EPHB4: variants seen among roughly 807,000 people sequenced by gnomAD.
EPHB4 encodes EPH receptor B4.
Under a neutral mutation model 110.6 loss-of-function variants are expected in EPHB4, and 50 were observed. That is an observed-to-expected ratio of 0.45 (90% CI 0.36 to 0.57). The LOEUF (loss-of-function observed/expected upper bound fraction) is 0.57. EPHB4 is among the 20% of genes least tolerant of loss of function. EPHB4 has a pLI of 0.00. For missense variants in EPHB4, 1,128 were observed against 1,382.1 expected (o/e 0.82, Z 2.91); for synonymous variants, 592 against 578.4 (o/e 1.02, Z -0.34).
intron 12 of EPHB4, among the ~76,000 whole-genome samples, chr7:100,810,912 T>C (rs1039918374): frequency 3.3e-5 from 5 of 152,098 alleles, no homozygotes; most frequent in Admixed American, 6.6e-5. Flanking sequence ...CTCTGTTCAA[T>C]GCAATGTTAT....
rs746872148 is a variant in EPHB4 at position 100,823,627 on chromosome 7, T to TGG, written c.411+15_411+16dup. 6.2e-6 allele frequency: 10 copies of TGG among 1,608,210 alleles called. No individual in the cohort carries two copies. In the African/African-American group the frequency reaches 1.3e-4, roughly 21 times the overall value. On this transcript the variant is annotated intron_variant, in intron 3 of 16. Coordinates refer to ENST00000358173, the MANE Select transcript of EPHB4 (RefSeq NM_004444.5). The stretch of plus-strand genomic sequence containing the variant: ...TCCCACCTTGGCTGTGGCTGAGCCC[T>TGG]GGGGGCACCCAGGTACCTTGATGTA...
intron 14 of EPHB4, chr7:100,806,096 T>G: frequency 3.9e-6 from 1 of 255,110 alleles, no homozygotes; most frequent in Admixed American, 5.1e-5. Flanking sequence ...GTAGCTGGGA[T>G]TACAGGCACC....
chr7:100,805,034 C>T (rs1323946577), intron 16 of EPHB4, 132 bp downstream of exon 16: 11 of 1,221,796 alleles, frequency 9.0e-6, no homozygotes, highest in Non-Finnish European at 1.2e-5. Context: ...CCCTTCTAGG[C>T]ATGGCATGAG....
chr7:100,824,038 T>G (rs1813311034), intron 2 of EPHB4, 107 bp from the exon 3 acceptor site: 7 of 1,513,914 alleles, frequency 4.6e-6, no homozygotes, highest in Non-Finnish European at 5.3e-6. Context: ...GGGCTGCTGG[T>G]ACTGCGAGGA....
At position 100,822,175 on chromosome 7, in the gene EPHB4, A is replaced by G. The variant is rs549668528; in HGVS notation, c.808+96T>C. On this transcript the variant is annotated intron_variant, in intron 4 of 16. Transcript: ENST00000358173. This position sits in a 1 kb window ranked among gnomAD's most constrained non-coding sequence, Gnocchi z 4.7. ...GAGCAAGCCTCCATTTCAACATCTA[A>G]CTATACAAAATGGAAACTTAAGAAG... The G allele has an allele frequency of 2.4e-5, 34 of 1,435,038 alleles. 1 individual carries two copies. In the South Asian group the frequency reaches 4.0e-4, roughly 17 times the overall value. The allele number at this position is 1,435,038 out of a possible 1,614,324, so 88.9% of individuals were successfully genotyped here. A position where few individuals can be genotyped will look rare whatever the true frequency, so the allele number is the denominator to read the frequency against.
In EPHB4 at chr7:100,803,493, C is replaced by A; in HGVS notation, c.2932G>T (p.Gly978Cys). The A allele has an allele frequency of 1.3e-6, 2 of 1,583,546 alleles. No homozygotes were observed. Among genetic ancestry groups the A allele is most frequent in the Non-Finnish European group, 1.7e-6 (2 of 1,163,552 alleles). The change falls in exon 17 of 17, where the codon GGT becomes TGT. Residue 978 changes from glycine (G) to cysteine (C), a missense_variant. Physicochemically the swap from Gly to Cys is radical, Grantham distance 159. This residue lies in a region of EPHB4 where 209 missense variants were observed against 240.5 expected (regional missense o/e 0.87). Coordinates refer to ENST00000358173, the MANE Select transcript of EPHB4 (RefSeq NM_004444.5). ...MKSQAKPGTP[G>C]GTGGPAPQY ...TGCGGGGCCGGTCCTCCTGTCCCACCCGGGGTTCCCGGCTTGGCCTGGGAC... is the reference window on the plus strand; with the variant it reads ...TGCGGGGCCGGTCCTCCTGTCCCACACGGGGTTCCCGGCTTGGCCTGGGAC...
In EPHB4 at chr7:100,806,517, T is replaced by C; in HGVS notation, c.2387A>G (p.Lys796Arg). The change falls in exon 14 of 17, where the codon AAG (lysine) becomes AGG (arginine). Residue 796 changes from lysine to arginine, a missense_variant. Coordinates refer to ENST00000358173, the MANE Select transcript of EPHB4 (RefSeq NM_004444.5). ...CCAGGCATCACTGGCGGAAGTGAACTTCCGGAAGGCAATGGCCTCCGGGGC... is the reference window on the plus strand; with the variant it reads ...CCAGGCATCACTGGCGGAAGTGAACCTCCGGAAGGCAATGGCCTCCGGGGC... The part of the protein sequence containing the change: ...WTAPEAIAFR[K>R]FTSASDAWSY... 6.2e-7 allele frequency: 1 copy of C among 1,614,072 alleles called. No individual in the cohort carries two copies. The highest frequency in any genetic ancestry group is 8.5e-7 in the Non-Finnish European group (1 of 1,180,006).
At position 100,823,948 on chromosome 7, in the gene EPHB4, G is replaced by A. The variant is rs566006673; in HGVS notation, c.124-17C>T. On this transcript the variant is annotated splice_polypyrimidine_tract_variant and intron_variant, in intron 2 of 16. Transcript: ENST00000358173. Reference sequence around the variant, plus strand: ...TTCCTCCCACTGTGCAGAGAAGGAGGTCAGCAAGGGGGCTGGGGAGCCGCC... The same window carrying A: ...TTCCTCCCACTGTGCAGAGAAGGAGATCAGCAAGGGGGCTGGGGAGCCGCC... 2 of 1,561,956 alleles carry A rather than the reference G, an allele frequency of 1.3e-6. No individual in the cohort carries two copies. The highest frequency in any genetic ancestry group is 1.4e-5 in the African/African-American group (1 of 73,934).
chr7:100,815,997 GAA>G (rs1813057459), intron 8 of EPHB4, among the ~76,000 whole-genome samples: 1 of 150,638 alleles, frequency 6.6e-6, no homozygotes, highest in South Asian at 2.1e-4. Context: ...TTAAAAAAAA[GAA>G]AAAGTTAGGC....
Position 100,823,786 on chromosome 7 carries a change from A to G in EPHB4, c.269T>C (p.Leu90Pro). 6.2e-7 allele frequency: 1 copy of G among 1,613,498 alleles called. No homozygotes were observed. The highest frequency in any genetic ancestry group is 8.5e-7 in the Non-Finnish European group (1 of 1,179,946). ...CAGGCACTCGAGCATGGTGAAGCGC[A>G]GCGTGGCGTACACGTGGACGGCGCC... is the stretch of plus-strand genomic sequence containing the variant. ...RRGAVHVYAT[L>P]RFTMLECLSL... Residue 90 changes from leucine to proline, a missense_variant, in exon 3 of 17, where the codon CTG becomes CCG. Coordinates refer to ENST00000358173, the MANE Select transcript of EPHB4 (RefSeq NM_004444.5).
chr7:100,809,898 G>A (rs2116424435), intron 12 of EPHB4, among the ~76,000 whole-genome samples: 1 of 152,296 alleles, frequency 6.6e-6, no homozygotes, highest in East Asian at 1.9e-4. Context: ...TGGATGGCTT[G>A]AGGCCAGGGG....
Position 100,813,689 on chromosome 7 carries a change from T to G in EPHB4, c.1719A>C (p.Glu573Asp). The G allele has an allele frequency of 6.2e-7, 1 of 1,614,136 alleles. No individual in the cohort carries two copies. The highest frequency in any genetic ancestry group is 8.5e-7 in the Non-Finnish European group (1 of 1,180,036). ...LRKQSNGREA[E>D]YSDKHGQYLI... ...GATACTGTCCGTGTTTGTCCGAATATTCTGCTTCTCTCCCATTGCTCTGCT... is the reference window on the plus strand; with the variant it reads ...GATACTGTCCGTGTTTGTCCGAATAGTCTGCTTCTCTCCCATTGCTCTGCT... Residue 573 changes from glutamate to aspartate, a missense_variant, in exon 10 of 17, where the codon GAA (glutamate) becomes GAC (aspartate). Glu to Asp is a conservative substitution (Grantham distance 45). Around this residue, in one of 3 missense-constraint regions of EPHB4, gnomAD observed 728 missense variants for 828.6 expected, o/e 0.88. Transcript: ENST00000358173.
At position 100,807,534 on chromosome 7, in the gene EPHB4, C is replaced by T. The variant is rs746179415; in HGVS notation, c.2165G>A (p.Arg722Gln). The change falls in exon 13 of 17, where the codon CGG becomes CAG. Residue 722 changes from arginine (R) to glutamine (Q), a missense_variant. By Grantham distance (43) the Arg-to-Gln change is conservative. This residue lies in a region of EPHB4 where 191 missense variants were observed against 313.0 expected (regional missense o/e 0.61). Transcript: ENST00000358173. ...FTVIQLVGML[R>Q]GIASGMRYLA... ...GTACCGCATGCCCGAGGCGATGCCC[C>T]GCAGCATGCCCACGAGCTGGATGAC... is the stretch of plus-strand genomic sequence containing the variant. The T allele has an allele frequency of 5.0e-6, 8 of 1,613,948 alleles. No individual in the cohort carries two copies. Among genetic ancestry groups the T allele is most frequent in the East Asian group, 2.2e-5 (1 of 44,878 alleles).
chr7:100,813,251 C>T, intron 10 of EPHB4, 43 bp from the exon 11 acceptor site: 1 of 1,524,122 alleles, frequency 6.6e-7, no homozygotes, highest in Non-Finnish European at 9.0e-7. Context: ...AATTAACTCC[C>T]ACTGGACTCG....
At position 100,826,955 on chromosome 7, in the gene EPHB4, G is replaced by GC. The variant is rs141919245; in HGVS notation, c.52+23dup. 245,827 of 1,433,544 alleles carry GC rather than the reference G, an allele frequency of 0.17. 5,461 individuals carry two copies. Among genetic ancestry groups the GC allele is most frequent in the East Asian group, 0.42 (15,432 of 36,998 alleles). The allele number at this position is 1,433,544 out of a possible 1,614,324, so 88.8% of individuals were successfully genotyped here. On this transcript the variant is annotated intron_variant, in intron 1 of 16. Transcript: ENST00000358173. ...GGAGGTCCCAGGAGTGACGGGGTGC[G>GC]CCCCCCCCCGCAAGGAAACTCACCT...
intron 1 of EPHB4, chr7:100,824,517 C>A: frequency 1.9e-6 from 1 of 524,714 alleles, no homozygotes; most frequent in South Asian, 2.3e-5. Context: ...AGATCTAGGC[C>A]TCCCTGGAGG....
In EPHB4 at chr7:100,818,521, T is replaced by G. The variant is rs1813136998; in HGVS notation, c.1421A>C (p.Lys474Thr). 1 of 1,613,784 alleles carries G rather than the reference T, an allele frequency of 6.2e-7. No homozygotes were observed. Among genetic ancestry groups the G allele is most frequent in the South Asian group, 1.1e-5 (1 of 91,080 alleles). The change falls in exon 7 of 17, where the codon AAG (lysine) becomes ACG (threonine). Residue 474 changes from lysine to threonine, a missense_variant and splice_region_variant. Physicochemically the swap from Lys to Thr is moderately conservative, Grantham distance 78. Transcript: ENST00000358173. The part of the protein sequence containing the change: ...VLDYEVKYHE[K>T]GAEGPSSVRF... ...CCCAGGGCTGGGGGATGGCCTTACCTTCTCATGGTATTTGACCTCGTAGTC... is the reference window on the plus strand; with the variant it reads ...CCCAGGGCTGGGGGATGGCCTTACCGTCTCATGGTATTTGACCTCGTAGTC...
At chr7:100,806,215 C>G in intron 14 of EPHB4, 1 of 499,550 alleles carries the variant, frequency 2.0e-6, no homozygotes, top group Non-Finnish European at 3.2e-6. Flanking sequence ...CCACCTTGGC[C>G]TCCCAAAGTG....
intron 1 of EPHB4, 80 bp from the exon 2 acceptor site, chr7:100,824,353 C>G (rs886378324): frequency 1.4e-6 from 2 of 1,458,736 alleles, no homozygotes; most frequent in African/African-American, 2.8e-5. Flanking sequence ...GGAACCGAGG[C>G]AGGTGGATCC....
Sources: allele counts gnomAD v4.1 joint callset (sites outside exome capture counted in the v4.1 genomes callset), GRCh38; gene constraint gnomAD v4.1.1; regional missense constraint gnomAD v4.1.1; non-coding constraint Gnocchi (gnomAD v3.1); transcripts MANE v1.5; gene names NCBI Gene and HGNC (gene_info 2026-07-23, HGNC 2026-07-21).